CFAP58: variants seen among roughly 807,000 people sequenced by gnomAD.
CFAP58 encodes the protein cilia- and flagella-associated protein 58.
A neutral mutation model predicts 119.5 loss-of-function variants in CFAP58; 88 were observed. The observed-to-expected ratio is 0.74, with a 90% CI of 0.62 to 0.88. CFAP58 has a LOEUF of 0.88. CFAP58 is among the 40% of genes least tolerant of loss of function. The pLI, the probability that CFAP58 is intolerant of heterozygous loss-of-function variation, is 0.00. For missense variants in CFAP58, 990 were observed against 1,021.2 expected, an observed-to-expected ratio of 0.97 and a Z score of 0.42; for synonymous variants, 365 against 366.3, an observed-to-expected ratio of 1.00 and a Z score of 0.04.
At chr10:104,383,770 A>ACACACG (rs1189644788) in intron 9 of CFAP58, among the ~76,000 whole-genome samples, 48 of 151,828 alleles carry the variant, frequency 3.2e-4, no homozygotes, top group African/African-American at 1.1e-3. Flanking sequence ...ACACACACAC[A>ACACACG]CACACACACA....
intron 15 of CFAP58, among the ~76,000 whole-genome samples, chr10:104,440,065 A>ACCC (rs1406532537): frequency 1.3e-5 from 2 of 151,914 alleles, no homozygotes; most frequent in African/African-American, 4.8e-5. Flanking sequence ...CTCGTGATCC[A>ACCC]CCCGCCTGGG....
chr10:104,408,926 C>G (rs1350910982), intron 15 of CFAP58, among the ~76,000 whole-genome samples: 1 of 152,060 alleles, frequency 6.6e-6, no homozygotes, highest in African/African-American at 2.4e-5. Flanking sequence ...ATGGCAAAAC[C>G]TTATCTCTAC....
At chr10:104,338,839 A>G in the CFAP58 span, among the ~76,000 whole-genome samples, 1 of 152,044 alleles carries the variant, frequency 6.6e-6, no homozygotes, top group Non-Finnish European at 1.5e-5. Flanking sequence ...GGAGGAAAAT[A>G]TAACTCTAGA....
At chr10:104,403,920 G>A (rs1215710587) in intron 14 of CFAP58, 80 bp downstream of exon 14, 1 of 791,538 alleles carries the variant, frequency 1.3e-6, no homozygotes, top group Non-Finnish European at 2.0e-6. Context: ...AAAGCACAAT[G>A]AGAAGCGAGG....
intron 15 of CFAP58, among the ~76,000 whole-genome samples, chr10:104,444,304 G>C (rs1353877252): frequency 6.6e-6 from 1 of 152,182 alleles, no homozygotes; most frequent in East Asian, 1.9e-4. Flanking sequence ...CAAATTAATT[G>C]ACTAAAGAGA....
chr10:104,435,927 A>T (rs892167632), intron 15 of CFAP58, among the ~76,000 whole-genome samples: 1 of 152,158 alleles, frequency 6.6e-6, no homozygotes, highest in South Asian at 2.1e-4. Context: ...TGGCATGGGT[A>T]TGCACATTCA....
chr10:104,403,712 A>G lies in CFAP58; in HGVS notation c.2040-17A>G. ...CGGGTGGATAATTCTTTGCAAAATC[A>G]AGTTTGTCTTATTCAGACAGGAGTT... On this transcript the variant is annotated splice_polypyrimidine_tract_variant and intron_variant, in intron 13 of 17. Transcript: ENST00000369704. 6.4e-7 allele frequency: 1 copy of G among 1,563,002 alleles called. No homozygotes were observed. The highest frequency in any genetic ancestry group is 8.8e-7 in the Non-Finnish European group (1 of 1,140,646).
In CFAP58 at chr10:104,437,772, ACTG is replaced by A. The variant is rs1481879840; in HGVS notation, c.2257-9923_2257-9921del. ...GAAATTAATGAAGCTTTTAAATATTACTGCTAACAGAAATATTTTAAAAATACT... is the reference window on the plus strand; with the variant it reads ...GAAATTAATGAAGCTTTTAAATATTACTAACAGAAATATTTTAAAAATACT... On this transcript the variant is annotated intron_variant, in intron 15 of 17. Transcript: ENST00000369704. 2.0e-5 allele frequency among the ~76,000 whole-genome samples: 3 copies of A among 152,222 alleles called. No homozygotes were observed. The East Asian group carries it at 5.8e-4, about 29-fold the overall frequency.
intron 13 of CFAP58, among the ~76,000 whole-genome samples, 158 bp from the exon 14 acceptor site, chr10:104,403,571 A>T (rs2012305090): frequency 6.8e-6 from 1 of 146,390 alleles, no homozygotes; most frequent in African/African-American, 2.6e-5. Flanking sequence ...AATTAATATC[A>T]TCTTGCCCAG....
chr10:104,401,126 G>C (rs2012257381), intron 13 of CFAP58, among the ~76,000 whole-genome samples: 1 of 152,166 alleles, frequency 6.6e-6, no homozygotes, highest in Non-Finnish European at 1.5e-5. Flanking sequence ...TTTCGGGGGG[G>C]TAAGGGCGAG....
intron 15 of CFAP58, among the ~76,000 whole-genome samples, chr10:104,443,213 T>A (rs1457749215): frequency 6.6e-6 from 1 of 152,212 alleles, no homozygotes; most frequent in Admixed American, 6.5e-5. Flanking sequence ...GAAAGAGATT[T>A]TCTGTGTATT....
chr10:104,373,055 T>C (rs1244684165), intron 7 of CFAP58, among the ~76,000 whole-genome samples: 1 of 152,086 alleles, frequency 6.6e-6, no homozygotes, highest in East Asian at 1.9e-4. Context: ...ATAAAATAAA[T>C]ATGTAGATAT....
chr10:104,366,289 T>G (rs1006049192), intron 5 of CFAP58, among the ~76,000 whole-genome samples: 11 of 152,120 alleles, frequency 7.2e-5, no homozygotes, highest in African/African-American at 2.7e-4. Flanking sequence ...ATGTCACAAG[T>G]GGACAGCTTG....
chr10:104,388,358 A>G (rs1420954446), intron 9 of CFAP58, among the ~76,000 whole-genome samples: 2 of 152,220 alleles, frequency 1.3e-5, no homozygotes, highest in Non-Finnish European at 2.9e-5. Context: ...GTAGACATAT[A>G]TTCTCTCACT....
At chr10:104,361,900 A>G in intron 2 of CFAP58, 123 bp from the exon 3 acceptor site, 1 of 915,834 alleles carries the variant, frequency 1.1e-6, no homozygotes, top group Non-Finnish European at 1.6e-6. Flanking sequence ...CTCATGTTAA[A>G]CAATTTAGTC....
intron 11 of CFAP58, among the ~76,000 whole-genome samples, chr10:104,394,954 G>A (rs2012122125): frequency 6.6e-6 from 1 of 152,138 alleles, no homozygotes; most frequent in African/African-American, 2.4e-5. Context: ...GACCATGTTA[G>A]CAAGGCTCAA....
chr10:104,404,416 C>G (rs1421213698), intron 14 of CFAP58, among the ~76,000 whole-genome samples: 4 of 152,136 alleles, frequency 2.6e-5, no homozygotes. Context: ...ACCACCAGCA[C>G]TGAAAATGAC....
At chr10:104,347,609 T>G in the CFAP58 span, among the ~76,000 whole-genome samples, 1 of 152,178 alleles carries the variant, frequency 6.6e-6, no homozygotes, top group Non-Finnish European at 1.5e-5. Flanking sequence ...GTTTTTAGAT[T>G]CCATAGACAC....
intron 9 of CFAP58, among the ~76,000 whole-genome samples, chr10:104,391,993 A>C (rs988066105): frequency 4.6e-5 from 7 of 152,050 alleles, no homozygotes; most frequent in African/African-American, 1.7e-4. Flanking sequence ...TCTTGTGATC[A>C]CAAAATAACT....
Sources: allele counts gnomAD v4.1 joint callset (sites outside exome capture counted in the v4.1 genomes callset), GRCh38; gene constraint gnomAD v4.1.1; transcripts MANE v1.5; gene names NCBI Gene and HGNC (gene_info 2026-07-23, HGNC 2026-07-21).